GARIN3: variants seen among roughly 807,000 people sequenced by gnomAD.
GARIN3 encodes golgi associated RAB2 interactor family member 3.
the GARIN3 span, among the ~76,000 whole-genome samples, chr5:157,164,582 T>C: frequency 6.6e-6 from 1 of 152,204 alleles, no homozygotes; most frequent in Non-Finnish European, 1.5e-5. Context: ...TTGGACATTG[T>C]ATTTTACACA....
chr5:157,162,492 T>A, the GARIN3 span: 1 of 1,614,118 alleles, frequency 6.2e-7, no homozygotes, highest in Non-Finnish European at 8.5e-7. Context: ...TCTTCTCGGA[T>A]GTCATAGTGC....
the GARIN3 span, chr5:157,162,423 G>A: frequency 6.9e-6 from 11 of 1,603,464 alleles, no homozygotes; most frequent in Non-Finnish European, 9.4e-6. Flanking sequence ...CAGATCCCTG[G>A]GCGGTTGTAG....
chr5:157,165,703 GA>G, the GARIN3 span: 1 of 1,614,164 alleles, frequency 6.2e-7, no homozygotes, highest in African/African-American at 1.3e-5. Flanking sequence ...TCAGAAGAGG[GA>G]CACAACTGCA....
chr5:157,164,946 G>T, the GARIN3 span, among the ~76,000 whole-genome samples: 1 of 152,112 alleles, frequency 6.6e-6, no homozygotes, highest in Non-Finnish European at 1.5e-5. Context: ...TTGAACCCAG[G>T]AGGCAGAGGT....
the GARIN3 span, chr5:157,163,668 G>A: frequency 3.2e-5 from 51 of 1,605,784 alleles, no homozygotes; most frequent in Non-Finnish European, 4.0e-5. Flanking sequence ...CCTATACCAA[G>A]GGGAAGAGAA....
the GARIN3 span, chr5:157,162,860 A>G: frequency 1.2e-6 from 2 of 1,614,052 alleles, no homozygotes; most frequent in East Asian, 2.2e-5. Flanking sequence ...CCAGATGCGG[A>G]CCGGTGGGAA....
the GARIN3 span, among the ~76,000 whole-genome samples, chr5:157,163,819 G>A: frequency 6.6e-6 from 1 of 152,228 alleles, no homozygotes; most frequent in African/African-American, 2.4e-5. Flanking sequence ...ACTTTGGGAG[G>A]CCAAGGAGGG....
At chr5:157,165,823 T>A in the GARIN3 span, 3 of 1,613,806 alleles carry the variant, frequency 1.9e-6, no homozygotes, top group South Asian at 3.3e-5. Context: ...AGCTCTAGAG[T>A]CTTGACGGGC....
At chr5:157,162,402 A>T in the GARIN3 span, 1 of 1,579,368 alleles carries the variant, frequency 6.3e-7, no homozygotes, top group East Asian at 2.2e-5. Context: ...GGGCTCCTCT[A>T]GGGATACTTC....
At chr5:157,163,836 G>A in the GARIN3 span, among the ~76,000 whole-genome samples, 4 of 152,150 alleles carry the variant, frequency 2.6e-5, no homozygotes, top group Admixed American at 6.5e-5. Context: ...AGGGCAGATC[G>A]CTTGAGGCCA....
the GARIN3 span, among the ~76,000 whole-genome samples, chr5:157,163,919 G>C: frequency 6.6e-6 from 1 of 152,050 alleles, no homozygotes; most frequent in Non-Finnish European, 1.5e-5. Context: ...TAGCTGGACA[G>C]GATGGCGCAT....
the GARIN3 span, among the ~76,000 whole-genome samples, chr5:157,164,592 A>T: frequency 2.0e-5 from 3 of 152,124 alleles, no homozygotes; most frequent in East Asian, 5.8e-4. Flanking sequence ...TATTTTACAC[A>T]CTTATTTTTA....
At chr5:157,165,739 G>A in the GARIN3 span, 6 of 1,614,214 alleles carry the variant, frequency 3.7e-6, no homozygotes, top group Non-Finnish European at 5.1e-6. Context: ...CCAGTGGCGA[G>A]TTTCAGGCGC....
the GARIN3 span, chr5:157,165,955 C>G: frequency 6.2e-7 from 1 of 1,614,122 alleles, no homozygotes; most frequent in Non-Finnish European, 8.5e-7. Flanking sequence ...ACGATGCCCA[C>G]TGTCACCATT....
the GARIN3 span, chr5:157,162,491 A>G: frequency 6.2e-7 from 1 of 1,613,968 alleles, no homozygotes; most frequent in Non-Finnish European, 8.5e-7. Flanking sequence ...GTCTTCTCGG[A>G]TGTCATAGTG....
chr5:157,162,162 G>A, the GARIN3 span: 4 of 456,074 alleles, frequency 8.8e-6, no homozygotes, highest in African/African-American at 2.0e-5. Flanking sequence ...GAAGCAAAAG[G>A]GATTGAGGCA....
At chr5:157,165,972 C>A in the GARIN3 span, 1 of 1,614,154 alleles carries the variant, frequency 6.2e-7, no homozygotes, top group Non-Finnish European at 8.5e-7. Context: ...CATTCGGACA[C>A]GGTTGTGTAC....
the GARIN3 span, chr5:157,162,953 G>A: frequency 6.2e-7 from 1 of 1,614,200 alleles, no homozygotes; most frequent in Non-Finnish European, 8.5e-7. Flanking sequence ...CTACTGGGAT[G>A]TCTGTCCTTC....
At chr5:157,165,941 G>C in the GARIN3 span, 1 of 1,614,164 alleles carries the variant, frequency 6.2e-7, no homozygotes, top group Non-Finnish European at 8.5e-7. Context: ...TGGGGCTGGT[G>C]CAGACGATGC....
Sources: allele counts gnomAD v4.1 joint callset (sites outside exome capture counted in the v4.1 genomes callset), GRCh38; gene constraint gnomAD v4.1.1; transcripts MANE v1.5; gene names NCBI Gene and HGNC (gene_info 2026-07-23, HGNC 2026-07-21).